Variants in RFTN1 observed in about 807,000 individuals in gnomAD.
The protein encoded by RFTN1 is raftlin, lipid raft linker 1.
Under a neutral mutation model 46.5 loss-of-function variants are expected in RFTN1, and 26 were observed. The observed-to-expected ratio is 0.56, with a 90% CI of 0.41 to 0.78. The LOEUF (loss-of-function observed/expected upper bound fraction) is 0.78. Ranked by LOEUF, RFTN1 falls within the 30% of genes least tolerant of loss-of-function variation. RFTN1 has a pLI of 0.00. For missense variants in RFTN1, 693 were observed against 718.7 expected, an observed-to-expected ratio of 0.96 and a Z score of 0.41; for synonymous variants, 261 against 284.2, an observed-to-expected ratio of 0.92 and a Z score of 0.82.
chr3:16,448,149 A>C lies in RFTN1; in HGVS notation c.146-14112T>G, dbSNP rs1164970944. Reference sequence around the variant, plus strand: ...AAAAAAAAAAAAGTCTCCCAATAATAATTTTTTATTGATTCCATATTGAAA... The same window carrying C: ...AAAAAAAAAAAAGTCTCCCAATAATCATTTTTTATTGATTCCATATTGAAA... On this transcript the variant is annotated intron_variant, in intron 2 of 9. Coordinates refer to ENST00000334133, the MANE Select transcript of RFTN1 (RefSeq NM_015150.2). This position sits in a 1 kb window ranked among gnomAD's most constrained non-coding sequence, Gnocchi z 4.1. 6.6e-6 allele frequency among the ~76,000 whole-genome samples: 1 copy of C among 152,048 alleles called. No homozygotes were observed. The highest frequency in any genetic ancestry group is 1.5e-5 in the Non-Finnish European group (1 of 68,002).
chr3:16,324,105 G>GGT (rs763823674), intron 8 of RFTN1, among the ~76,000 whole-genome samples: 14 of 93,732 alleles, frequency 1.5e-4, no homozygotes, highest in South Asian at 1.1e-3. Context: ...GAAGATCACT[G>GGT]TTTTTTTTTT....
chr3:16,404,145 C>A (rs1193013531), intron 4 of RFTN1, among the ~76,000 whole-genome samples: 1 of 26,870 alleles, frequency 3.7e-5, no homozygotes, highest in African/African-American at 1.6e-4. Flanking sequence ...ATATAATATA[C>A]ATTTTATATA....
chr3:16,511,196 C>T (rs1559383968), intron 1 of RFTN1, among the ~76,000 whole-genome samples: 2 of 152,262 alleles, frequency 1.3e-5, no homozygotes, highest in East Asian at 3.9e-4. Flanking sequence ...TTGATAAGGA[C>T]TAGGGTTACA....
rs535820055 is a variant in RFTN1, at chr3:16,353,938, T to C, written c.1146+3994A>G. Among the ~76,000 whole-genome samples, 43 of 152,318 alleles carry C rather than the reference T, an allele frequency of 2.8e-4. 1 individual carries two copies. The highest frequency in any genetic ancestry group is 9.6e-4 in the African/African-American group (40 of 41,564). On this transcript the variant is annotated intron_variant, in intron 7 of 9. Transcript: ENST00000334133. The surrounding 1 kb of genome is among the most constrained non-coding windows in gnomAD (Gnocchi z 5.4). ...ATCCGTCTAGTCTGGTATTTTGTTA[T>C]GGCAGCCCAAGCAGACTAAGACATC...
rs989039528 is a variant in RFTN1 at position 16,433,532 on chromosome 3, C to G, written c.332+319G>C. ...TCAGTTTAAAAGTATTGCACTTTTACTAGCCACATCATTCTGGGCATATGC... is the reference window on the plus strand; with the variant it reads ...TCAGTTTAAAAGTATTGCACTTTTAGTAGCCACATCATTCTGGGCATATGC... On this transcript the variant is annotated intron_variant, in intron 3 of 9. Transcript: ENST00000334133. This position sits in a 1 kb window ranked among gnomAD's most constrained non-coding sequence, Gnocchi z 4.4. 7.2e-5 allele frequency among the ~76,000 whole-genome samples: 11 copies of G among 152,194 alleles called. No individual in the cohort carries two copies. The highest frequency in any genetic ancestry group is 1.6e-4 in the Non-Finnish European group (11 of 68,032).
At chr3:16,325,547 G>A (rs1388485444) in intron 8 of RFTN1, among the ~76,000 whole-genome samples, 3 of 152,216 alleles carry the variant, frequency 2.0e-5, no homozygotes, top group Admixed American at 6.5e-5. Flanking sequence ...ACATGACACA[G>A]TGGGTAAGTG....
rs1370078735 is a variant in RFTN1 at position 16,459,596 on chromosome 3, A to AAAT, written c.146-25562_146-25560dup. Among the ~76,000 whole-genome samples the AAAT allele has an allele frequency of 2.6e-5, 4 of 152,032 alleles. No individual in the cohort carries two copies. The highest frequency in any genetic ancestry group is 2.1e-4 in the South Asian group (1 of 4,828). On this transcript the variant is annotated intron_variant, in intron 2 of 9. Transcript: ENST00000334133. This position sits in a 1 kb window ranked among gnomAD's most constrained non-coding sequence, Gnocchi z 4.2. The stretch of plus-strand genomic sequence containing the variant: ...GACAGAGTGAGACCCTGTGTTTCTA[A>AAAT]AATAATAATAATAATAAGTAAATAA...
rs2075299592 is a variant in RFTN1, at chr3:16,426,891, T to C, written c.332+6960A>G. ...TGCAAAATCTATTGAGCAATATCTA[T>C]TCAAGGCCTGGCACTCTGAGCAAGC... is the stretch of plus-strand genomic sequence containing the variant. On this transcript the variant is annotated intron_variant, in intron 3 of 9. Coordinates refer to ENST00000334133, the MANE Select transcript of RFTN1 (RefSeq NM_015150.2). This position sits in a 1 kb window ranked among gnomAD's most constrained non-coding sequence, Gnocchi z 5.9. 6.6e-6 allele frequency among the ~76,000 whole-genome samples: 1 copy of C among 152,172 alleles called. No homozygotes were observed. Among genetic ancestry groups the C allele is most frequent in the South Asian group, 2.1e-4 (1 of 4,830 alleles).
At position 16,433,106 on chromosome 3, in the gene RFTN1, C is replaced by G. The variant is rs1314931486; in HGVS notation, c.332+745G>C. On this transcript the variant is annotated intron_variant, in intron 3 of 9. Coordinates refer to ENST00000334133, the MANE Select transcript of RFTN1 (RefSeq NM_015150.2). The surrounding 1 kb of genome is among the most constrained non-coding windows in gnomAD (Gnocchi z 4.4). ...GACAAATCTGATTTCCTTTCCCAGA[C>G]TTCATTTTAATTTTTATTTTTATGA... 6.6e-6 allele frequency among the ~76,000 whole-genome samples: 1 copy of G among 151,888 alleles called. No homozygotes were observed.
chr3:16,398,932 G>T (rs958381397), intron 4 of RFTN1, among the ~76,000 whole-genome samples: 2 of 152,186 alleles, frequency 1.3e-5, no homozygotes. Context: ...TGGATGTGGG[G>T]TAATTTCTCT....
At chr3:16,333,798 AAG>A (rs2070570088) in intron 7 of RFTN1, among the ~76,000 whole-genome samples, 1 of 152,234 alleles carries the variant, frequency 6.6e-6, no homozygotes, top group Non-Finnish European at 1.5e-5. Flanking sequence ...CAAAGATATG[AAG>A]AGAGATCACA....
intron 2 of RFTN1, among the ~76,000 whole-genome samples, chr3:16,455,184 A>G (rs1312899096): frequency 1.3e-5 from 2 of 152,184 alleles, no homozygotes; most frequent in African/African-American, 4.8e-5. Flanking sequence ...GCAGCATATG[A>G]CCTGCCCAGT....
intron 2 of RFTN1, among the ~76,000 whole-genome samples, chr3:16,445,745 A>C (rs1450145417): frequency 6.6e-6 from 1 of 152,072 alleles, no homozygotes; most frequent in African/African-American, 2.4e-5. Flanking sequence ...ATATATTAAT[A>C]TTAATTTCAT....
rs915722069 is a variant in RFTN1, at chr3:16,425,868, C to G, written c.332+7983G>C. On this transcript the variant is annotated intron_variant, in intron 3 of 9. Coordinates refer to ENST00000334133, the MANE Select transcript of RFTN1 (RefSeq NM_015150.2). The surrounding 1 kb of genome is among the most constrained non-coding windows in gnomAD (Gnocchi z 4.3). ...AGCTCCTCAGGGGGTACGGTGGCAGCCCGGAGAGCTAATCAAATCCTCCAC... is the reference window on the plus strand; with the variant it reads ...AGCTCCTCAGGGGGTACGGTGGCAGGCCGGAGAGCTAATCAAATCCTCCAC... Among the ~76,000 whole-genome samples, 12 of 151,998 alleles carry G rather than the reference C, an allele frequency of 7.9e-5. No individual in the cohort carries two copies. The highest frequency in any genetic ancestry group is 2.7e-4 in the African/African-American group (11 of 41,386).
rs869120 is a variant in RFTN1, at chr3:16,337,423, A to G, written c.1147-10547T>C. 55,351 of 152,044 alleles carry G rather than the reference A, an allele frequency of 0.36. 10,857 individuals are homozygous for G. The highest frequency in any genetic ancestry group is 0.43 in the Non-Finnish European group (29,418 of 67,988). The allele number at this position is 152,044 out of a possible 1,614,324, so 9.4% of individuals were successfully genotyped here. On this transcript the variant is annotated intron_variant, in intron 7 of 9. Coordinates refer to ENST00000334133, the MANE Select transcript of RFTN1 (RefSeq NM_015150.2). The surrounding 1 kb of genome is among the most constrained non-coding windows in gnomAD (Gnocchi z 5.0). ...AGAACCAAATACCAGGCAAACCTCT[A>G]GGAGGAAAATTGTAATGAAAGTCAC...
intron 2 of RFTN1, among the ~76,000 whole-genome samples, chr3:16,461,371 A>C (rs2124928538): frequency 6.6e-6 from 1 of 152,360 alleles, no homozygotes; most frequent in South Asian, 2.1e-4. Flanking sequence ...AGGAATAATT[A>C]TCCATTTTAA....
chr3:16,478,856 C>T lies in RFTN1; in HGVS notation c.145+14869G>A, dbSNP rs903542494. On this transcript the variant is annotated intron_variant, in intron 2 of 9. Transcript: ENST00000334133. ...TCTCTCCACAGGTCAGCTCACAACA[C>T]GGCAACCAGTTTCCTTCAGGGGAGT... 8.5e-5 allele frequency among the ~76,000 whole-genome samples: 13 copies of T among 152,338 alleles called. 1 individual carries two copies. The highest frequency in any genetic ancestry group is 1.3e-4 in the Admixed American group (2 of 15,302).
rs1418705411 is a variant in RFTN1, at chr3:16,465,838, G to A, written c.145+27887C>T. Among the ~76,000 whole-genome samples, 1 of 152,110 alleles carries A rather than the reference G, an allele frequency of 6.6e-6. No individual in the cohort carries two copies. Among genetic ancestry groups the A allele is most frequent in the African/African-American group, 2.4e-5 (1 of 41,400 alleles). On this transcript the variant is annotated intron_variant, in intron 2 of 9. Coordinates refer to ENST00000334133, the MANE Select transcript of RFTN1 (RefSeq NM_015150.2). This position sits in a 1 kb window ranked among gnomAD's most constrained non-coding sequence, Gnocchi z 5.1. ...TTGAGCGGGAAAAGCAAGATGTAAGGTAGAGAAAGACTAATTCATAAAAGT... is the reference window on the plus strand; with the variant it reads ...TTGAGCGGGAAAAGCAAGATGTAAGATAGAGAAAGACTAATTCATAAAAGT...
rs1374063297 is a variant in RFTN1, at chr3:16,418,251, T to C, written c.333-8768A>G. ...TAAAATGAGGCCACTAAAAAACAATTGCCTGTCGAAAAACTATTATAAACT... is the reference window on the plus strand; with the variant it reads ...TAAAATGAGGCCACTAAAAAACAATCGCCTGTCGAAAAACTATTATAAACT... On this transcript the variant is annotated intron_variant, in intron 3 of 9. Coordinates refer to ENST00000334133, the MANE Select transcript of RFTN1 (RefSeq NM_015150.2). This position sits in a 1 kb window ranked among gnomAD's most constrained non-coding sequence, Gnocchi z 5.0. 6.6e-6 allele frequency among the ~76,000 whole-genome samples: 1 copy of C among 152,116 alleles called. No homozygotes were observed. The highest frequency in any genetic ancestry group is 1.5e-5 in the Non-Finnish European group (1 of 67,996).
Sources: gnomAD v4.1 joint callset for allele counts (sites outside exome capture counted in the v4.1 genomes callset) on GRCh38, gnomAD v4.1.1 for gene constraint, Gnocchi (gnomAD v3.1) non-coding constraint, MANE v1.5 for transcripts, NCBI Gene and HGNC (gene_info 2026-07-23, HGNC 2026-07-21) for gene names.